TENM2: variants seen among roughly 807,000 people sequenced by gnomAD.
TENM2 encodes the protein teneurin-2.
A neutral mutation model predicts 245.2 loss-of-function variants in TENM2; 52 were observed. The ratio of observed to expected loss-of-function variants is 0.21; its 90% CI spans 0.17 to 0.27. The LOEUF is 0.27. Among genes scored for constraint, TENM2 ranks in the 10% least tolerant of loss-of-function variants. TENM2 has a pLI of 1.00. For missense variants in TENM2, 3,046 were observed against 3,666.8 expected, an observed-to-expected ratio of 0.83 and a Z score of 4.37; for synonymous variants, 1,363 against 1,438.9, an observed-to-expected ratio of 0.95 and a Z score of 1.19.
rs202023195 is a variant in TENM2 at position 167,812,688 on chromosome 5, CCTT to C, written c.503-63292_503-63290del. Reference sequence around the variant, plus strand: ...CAGTTGGCTGCAGCAGACAGTAACTCCTTCTTCTCCAGGCTTGCGCCTGAGGAT... The same window carrying C: ...CAGTTGGCTGCAGCAGACAGTAACTCCTTCTCCAGGCTTGCGCCTGAGGAT... On this transcript the variant is annotated intron_variant, in intron 2 of 28. Transcript: ENST00000518659. 6.3e-3 allele frequency among the ~76,000 whole-genome samples: 955 copies of C among 152,302 alleles called. 5 individuals carry two copies. Among genetic ancestry groups the C allele is most frequent in the Middle Eastern group, 0.01 (3 of 294 alleles).
intron 2 of TENM2, among the ~76,000 whole-genome samples, chr5:167,607,914 T>C (rs1208295795): frequency 1.3e-5 from 2 of 152,158 alleles, no homozygotes; most frequent in Non-Finnish European, 2.9e-5. Flanking sequence ...CTTTTGGTTC[T>C]TTTTATTATA....
chr5:167,238,034 G>A, the TENM2 span, among the ~76,000 whole-genome samples: 172 of 99,556 alleles, frequency 1.7e-3, no homozygotes, highest in African/African-American at 2.4e-3. Context: ...AAAAAAAAAA[G>A]AAGTGCTGCA....
At chr5:167,498,855 AGAT>A (rs1237450550) in intron 2 of TENM2, among the ~76,000 whole-genome samples, 1 of 152,170 alleles carries the variant, frequency 6.6e-6, no homozygotes, top group Non-Finnish European at 1.5e-5. Flanking sequence ...CGGATTACTG[AGAT>A]GATGACGATA....
chr5:167,553,264 G>T (rs1773073270), intron 2 of TENM2, among the ~76,000 whole-genome samples: 1 of 152,206 alleles, frequency 6.6e-6, no homozygotes, highest in South Asian at 2.1e-4. Flanking sequence ...GGAGCCTACA[G>T]TTCCCAAGAG....
chr5:167,546,564 G>T (rs893596578), intron 2 of TENM2, among the ~76,000 whole-genome samples: 11 of 152,168 alleles, frequency 7.2e-5, no homozygotes, highest in African/African-American at 2.4e-4. Context: ...ACAGAAGGTT[G>T]CACAGAAGGT....
chr5:167,309,838 GGGA>G (rs1347673875), intron 1 of TENM2: 1 of 152,136 alleles, frequency 6.6e-6, no homozygotes, highest in Non-Finnish European at 1.5e-5. Context: ...ACGGTATTAT[GGGA>G]GGAGAAGCCA....
At chr5:167,957,880 TGTTTTACTTC>T (rs1399138730) in intron 4 of TENM2, among the ~76,000 whole-genome samples, 1 of 152,098 alleles carries the variant, frequency 6.6e-6, no homozygotes, top group Non-Finnish European at 1.5e-5. Flanking sequence ...TGCTGGGGAG[TGTTTTACTTC>T]CAATTATGTG....
chr5:166,984,396 T>C, the TENM2 span, among the ~76,000 whole-genome samples: 1 of 152,118 alleles, frequency 6.6e-6, no homozygotes, highest in Non-Finnish European at 1.5e-5. Context: ...CATTTAAATG[T>C]CATTTTTATT....
intron 27 of TENM2, among the ~76,000 whole-genome samples, chr5:168,252,042 T>C (rs1767157381): frequency 6.6e-6 from 1 of 152,182 alleles, no homozygotes; most frequent in Non-Finnish European, 1.5e-5. Flanking sequence ...ATATGGATGA[T>C]TGACATACCT....
intron 12 of TENM2, among the ~76,000 whole-genome samples, chr5:168,160,948 T>C (rs1180858553): frequency 6.6e-6 from 1 of 152,106 alleles, no homozygotes; most frequent in African/African-American, 2.4e-5. Flanking sequence ...GGAGGATCAC[T>C]CAAGCCCAGG....
the TENM2 span, among the ~76,000 whole-genome samples, chr5:167,220,295 C>T: frequency 3.9e-5 from 6 of 152,088 alleles, no homozygotes; most frequent in South Asian, 6.2e-4. Context: ...TGTGTTTGTT[C>T]GTTTTTGGCA....
the TENM2 span, among the ~76,000 whole-genome samples, chr5:167,049,444 A>G: frequency 6.6e-6 from 1 of 152,244 alleles, no homozygotes; most frequent in African/African-American, 2.4e-5. Flanking sequence ...TTACAATAGT[A>G]TTAATATGTA....
intron 5 of TENM2, among the ~76,000 whole-genome samples, chr5:168,001,240 A>G (rs1318140044): frequency 6.6e-6 from 1 of 152,194 alleles, no homozygotes; most frequent in Non-Finnish European, 1.5e-5. Flanking sequence ...CACTTAGGCA[A>G]AGGAATGGTT....
chr5:167,005,821 C>A, the TENM2 span, among the ~76,000 whole-genome samples: 1 of 151,778 alleles, frequency 6.6e-6, no homozygotes, highest in Non-Finnish European at 1.5e-5. Context: ...GCCACCACAT[C>A]TGGTTAATTT....
chr5:167,569,382 T>G (rs1053808421), intron 2 of TENM2, among the ~76,000 whole-genome samples: 3 of 152,062 alleles, frequency 2.0e-5, no homozygotes, highest in Admixed American at 6.6e-5. Context: ...GTGTTTAAAA[T>G]GTGAATATTG....
chr5:167,054,712 A>C, the TENM2 span, among the ~76,000 whole-genome samples: 1 of 152,090 alleles, frequency 6.6e-6, no homozygotes, highest in Non-Finnish European at 1.5e-5. Context: ...CAGTGTCTTA[A>C]ATTTTGCCAT....
At chr5:167,895,493 G>A (rs147202647) in intron 3 of TENM2, among the ~76,000 whole-genome samples, 2 of 152,324 alleles carry the variant, frequency 1.3e-5, no homozygotes, top group Non-Finnish European at 2.9e-5. Flanking sequence ...CAGCAGCTAC[G>A]ATTTGAACCA....
At chr5:168,109,140 CT>C (rs1794478722) in intron 9 of TENM2, among the ~76,000 whole-genome samples, 1 of 152,202 alleles carries the variant, frequency 6.6e-6, no homozygotes, top group Non-Finnish European at 1.5e-5. Context: ...CACACTGCAG[CT>C]GGATGGCCAG....
intron 19 of TENM2, among the ~76,000 whole-genome samples, chr5:168,210,506 C>A (rs1035084430): frequency 6.6e-6 from 1 of 152,016 alleles, no homozygotes; most frequent in Non-Finnish European, 1.5e-5. Context: ...ATAAAATAGA[C>A]GCGAGAATTC....
Sources: gnomAD v4.1 joint callset for allele counts (sites outside exome capture counted in the v4.1 genomes callset) on GRCh38, gnomAD v4.1.1 for gene constraint, MANE v1.5 for transcripts, NCBI Gene and HGNC (gene_info 2026-07-23, HGNC 2026-07-21) for gene names.